Variants in APP observed in about 807,000 individuals in gnomAD.
The protein encoded by APP is amyloid-beta precursor protein.
A neutral mutation model predicts 101.4 loss-of-function variants in APP; 31 were observed. The ratio of observed to expected loss-of-function variants is 0.31; its 90% confidence interval spans 0.23 to 0.41. The LOEUF (loss-of-function observed/expected upper bound fraction) is 0.41, where lower values mean the gene tolerates loss of function less well. APP is among the 10% of genes least tolerant of loss of function. APP has a pLI of 1.00. For missense variants in APP, 839 were observed against 1,003.7 expected, an observed-to-expected ratio of 0.84 and a Z score of 2.22; for synonymous variants, 366 against 364.4, an observed-to-expected ratio of 1.00 and a Z score of -0.05.
intron 3 of APP, among the ~76,000 whole-genome samples, chr21:26,088,854 T>C (rs1251870833): frequency 1.3e-5 from 2 of 152,204 alleles, no homozygotes; most frequent in African/African-American, 4.8e-5. Flanking sequence ...TCTTCATCAA[T>C]TACATTGTAA....
intron 2 of APP, among the ~76,000 whole-genome samples, chr21:26,102,708 T>C (rs375384527): frequency 5.9e-5 from 9 of 151,660 alleles, no homozygotes; most frequent in Admixed American, 1.3e-4. Context: ...CTGGCCAACA[T>C]GGTGAAACCC....
At chr21:26,142,170 A>C (rs895917348) in intron 1 of APP, among the ~76,000 whole-genome samples, 4 of 152,204 alleles carry the variant, frequency 2.6e-5, no homozygotes, top group African/African-American at 9.6e-5. Flanking sequence ...GGGGCAGTAT[A>C]AGAGGCTTGG....
At chr21:26,074,676 G>A (rs556187545) in intron 3 of APP, among the ~76,000 whole-genome samples, 1 of 152,034 alleles carries the variant, frequency 6.6e-6, no homozygotes, top group African/African-American at 2.4e-5. Flanking sequence ...GCTTGAACCC[G>A]GGAGGCGGAG....
chr21:26,021,432 A>G (rs928193405), intron 6 of APP, among the ~76,000 whole-genome samples: 10 of 152,278 alleles, frequency 6.6e-5, no homozygotes, highest in Admixed American at 6.5e-4. Flanking sequence ...ACTCTGTGCA[A>G]TACTGAATAA....
At position 26,121,501 on chromosome 21, in the gene APP, C is replaced by T. The variant is rs141930765; in HGVS notation, c.58-9355G>A. On this transcript the variant is annotated intron_variant, in intron 1 of 17. Transcript: ENST00000346798. Reference sequence around the variant, plus strand: ...TTCCCTGGTTCAAGCGATTCTCCTGCCTCAGCCTCCTGAGTAGCTGGGATT... The same window carrying T: ...TTCCCTGGTTCAAGCGATTCTCCTGTCTCAGCCTCCTGAGTAGCTGGGATT... 4.8e-3 allele frequency among the ~76,000 whole-genome samples: 729 copies of T among 152,206 alleles called. 4 individuals are homozygous for T. Among genetic ancestry groups the T allele is most frequent in the African/African-American group, 0.016 (662 of 41,544 alleles).
intron 13 of APP, among the ~76,000 whole-genome samples, chr21:25,924,411 C>CAA (rs551284093): frequency 0.066 from 3,764 of 57,034 alleles, 151 homozygotes; most frequent in Non-Finnish European, 0.074. Context: ...TTTGCAAATA[C>CAA]AAAAAAAAAA....
intron 16 of APP, among the ~76,000 whole-genome samples, 194 bp from the exon 17 acceptor site, chr21:25,892,062 AAAAG>A (rs953453957): frequency 2.0e-5 from 3 of 150,960 alleles, no homozygotes; most frequent in Non-Finnish European, 2.9e-5. Flanking sequence ...AAAAAAAAAA[AAAAG>A]AAATCACATA....
chr21:25,944,249 C>T (rs931433122), intron 13 of APP, among the ~76,000 whole-genome samples: 52 of 152,144 alleles, frequency 3.4e-4, no homozygotes, highest in African/African-American at 1.0e-3. Flanking sequence ...AATTAAGTAA[C>T]GCCCTGGCCT....
At chr21:25,946,792 C>A (rs1222936810) in intron 13 of APP, among the ~76,000 whole-genome samples, 1 of 152,116 alleles carries the variant, frequency 6.6e-6, no homozygotes, top group Non-Finnish European at 1.5e-5. Flanking sequence ...TAATCCATAA[C>A]AAACCATTGC....
chr21:26,042,652 A>G (rs1159056894), intron 5 of APP, among the ~76,000 whole-genome samples: 2 of 152,214 alleles, frequency 1.3e-5, no homozygotes, highest in African/African-American at 4.8e-5. Flanking sequence ...CTGTAATCTC[A>G]ACACTTTGGG....
intron 1 of APP, among the ~76,000 whole-genome samples, chr21:26,152,004 C>A (rs1019042806): frequency 2.0e-5 from 3 of 152,132 alleles, no homozygotes; most frequent in South Asian, 2.1e-4. Context: ...TGTCTGGGCA[C>A]GGTGGCTCAC....
intron 5 of APP, among the ~76,000 whole-genome samples, chr21:26,033,554 C>T (rs1047148810): frequency 1.3e-5 from 2 of 152,254 alleles, no homozygotes; most frequent in African/African-American, 4.8e-5. Flanking sequence ...GGGTGGACTG[C>T]AGGAAGGGAG....
At chr21:25,897,927 T>G in intron 15 of APP, 2 of 498,134 alleles carry the variant, frequency 4.0e-6, no homozygotes, top group Non-Finnish European at 7.2e-6. Flanking sequence ...CATGCTATAA[T>G]TTTTGAAAAT....
intron 13 of APP, among the ~76,000 whole-genome samples, chr21:25,948,176 T>A (rs1244005329): frequency 1.3e-5 from 2 of 151,272 alleles, no homozygotes; most frequent in Non-Finnish European, 2.9e-5. Context: ...TTTTTTTTGA[T>A]GTTCATCCTT....
chr21:26,034,286 C>T (rs1449048197), intron 5 of APP, among the ~76,000 whole-genome samples: 1 of 152,154 alleles, frequency 6.6e-6, no homozygotes, highest in Non-Finnish European at 1.5e-5. Context: ...ACTGCTTTCC[C>T]ATTCAGAGAT....
At chr21:26,140,190 T>C in intron 1 of APP, 1 of 1,536,112 alleles carries the variant, frequency 6.5e-7, no homozygotes, top group Non-Finnish European at 8.7e-7. Context: ...CTCTAATTGG[T>C]CCATTTGAAT....
At chr21:25,923,611 C>A (rs1050208035) in intron 13 of APP, among the ~76,000 whole-genome samples, 2 of 140,890 alleles carry the variant, frequency 1.4e-5, no homozygotes, top group East Asian at 4.3e-4. Flanking sequence ...ATTTATGCAG[C>A]CAAAAAACAC....
intron 2 of APP, among the ~76,000 whole-genome samples, chr21:26,094,626 ATATT>A (rs1165001294): frequency 6.7e-6 from 1 of 149,538 alleles, no homozygotes; most frequent in Non-Finnish European, 1.5e-5. Context: ...TAGTTCATTT[ATATT>A]TAAAGATATA....
intron 3 of APP, among the ~76,000 whole-genome samples, chr21:26,083,310 G>C (rs1235406251): frequency 6.6e-6 from 1 of 152,130 alleles, no homozygotes; most frequent in Non-Finnish European, 1.5e-5. Flanking sequence ...CCATAAAAAA[G>C]AGTAAACACA....
Sources: gnomAD v4.1 joint callset for allele counts (sites outside exome capture counted in the v4.1 genomes callset) on GRCh38, gnomAD v4.1.1 for gene constraint, MANE v1.5 for transcripts, NCBI Gene and HGNC (gene_info 2026-07-23, HGNC 2026-07-21) for gene names.